Variants in MARCHF6 observed in about 807,000 individuals in gnomAD.
MARCHF6 encodes the protein membrane associated ring-CH-type finger 6, also known as E3 ubiquitin-protein ligase MARCHF6.
In MARCHF6, 31 loss-of-function variants were observed where a neutral mutation model predicts 133.7. The observed-to-expected ratio is 0.23, with a 90% CI of 0.17 to 0.31. MARCHF6 has a LOEUF of 0.31. Ranked by LOEUF, MARCHF6 falls within the 10% of genes least tolerant of loss-of-function variation. The pLI is 1.00. For synonymous variants in MARCHF6, 395 were observed against 402.5 expected (o/e 0.98, Z 0.22); for missense variants, 723 against 1,121.6 (o/e 0.64, Z 5.08).
intron 22 of MARCHF6, among the ~76,000 whole-genome samples, chr5:10,419,146 A>G (rs1321950016): frequency 6.6e-6 from 1 of 152,162 alleles, no homozygotes; most frequent in Non-Finnish European, 1.5e-5. Context: ...TTGTGTTTTG[A>G]TTTATGACTT....
At chr5:10,381,210 CTGAATG>C in intron 3 of MARCHF6, among the ~76,000 whole-genome samples, 1 of 152,172 alleles carries the variant, frequency 6.6e-6, no homozygotes, top group South Asian at 2.1e-4. Flanking sequence ...TTTTCTTTTT[CTGAATG>C]TGTTGAGCCA....
In MARCHF6 at chr5:10,391,676, G is replaced by A. The variant is rs1447041528; in HGVS notation, c.711G>A (p.Glu237=). The A allele has an allele frequency of 6.2e-7, 1 of 1,606,898 alleles. No individual in the cohort carries two copies. The highest frequency in any genetic ancestry group is 1.7e-5 in the Admixed American group (1 of 58,590). The change falls in exon 7 of 26, where the codon GAG becomes GAA. Residue 237 remains glutamate (E), a synonymous_variant. Transcript: ENST00000274140. ...CAGAAGAGGAGGAGGAGGACAATGA[G>A]GAGGAAGATGACGCTGGTGTGGAGG... The part of the protein sequence containing the change: ...DQAEEEEEDN[E]EEDDAGVEDA...
intron 1 of MARCHF6, among the ~76,000 whole-genome samples, chr5:10,356,383 TTTTA>T (rs1253799808): frequency 7.2e-6 from 1 of 138,850 alleles, no homozygotes; most frequent in Non-Finnish European, 1.6e-5. Flanking sequence ...TTTTATTTTA[TTTTA>T]TTTTATTTTA....
Position 10,353,861 on chromosome 5 carries a change from A to C in MARCHF6, c.-38A>C. 1 of 1,552,736 alleles carries C rather than the reference A, an allele frequency of 6.4e-7. No homozygotes were observed. Among genetic ancestry groups the C allele is most frequent in the Non-Finnish European group, 8.7e-7 (1 of 1,153,130 alleles). ...CCCTCTTTCCCCGCCCGGCCGCGGGAGCCTCGTGGCTGCGTCACCGCCGCC... is the reference window on the plus strand; with the variant it reads ...CCCTCTTTCCCCGCCCGGCCGCGGGCGCCTCGTGGCTGCGTCACCGCCGCC... On this transcript the variant is annotated 5_prime_UTR_variant, in exon 1 of 26. Transcript: ENST00000274140.
At chr5:10,415,859 C>T (rs185466637) in intron 21 of MARCHF6, among the ~76,000 whole-genome samples, 190 bp downstream of exon 21, 295 of 152,064 alleles carry the variant, frequency 1.9e-3, no homozygotes, top group Middle Eastern at 3.4e-3. Context: ...CAGAGTCCTA[C>T]GTTCAGATAT....
At chr5:10,357,051 T>G (rs1348365046) in intron 1 of MARCHF6, among the ~76,000 whole-genome samples, 1 of 152,160 alleles carries the variant, frequency 6.6e-6, no homozygotes. Flanking sequence ...TGAGTGCAGA[T>G]GTGTTATGTC....
chr5:10,399,591 G>A (rs1343373487), intron 10 of MARCHF6, among the ~76,000 whole-genome samples: 2 of 152,058 alleles, frequency 1.3e-5, no homozygotes, highest in Non-Finnish European at 2.9e-5. Context: ...TGCTATAAAG[G>A]TTTTAAAAAT....
chr5:10,410,154 T>C lies in MARCHF6; in HGVS notation c.1569T>C (p.Ser523=). Residue 523 remains serine, a synonymous_variant, in exon 18 of 26, where the codon AGT becomes AGC. Transcript: ENST00000274140. ...CCTCTTTCAGTGATGCTCCAGTGAG[T>C]GAACTGTCCCTCGAGCTGCTTCTGC... is the stretch of plus-strand genomic sequence containing the variant. ...NVMLYSDAPV[S]ELSLELLLLQ... is the part of the protein sequence containing the mutation. 1.2e-6 allele frequency: 2 copies of C among 1,614,032 alleles called. No homozygotes were observed. Among genetic ancestry groups the C allele is most frequent in the Non-Finnish European group, 1.7e-6 (2 of 1,180,006 alleles).
chr5:10,370,428 T>G (rs1736400272), intron 1 of MARCHF6, among the ~76,000 whole-genome samples: 1 of 152,158 alleles, frequency 6.6e-6, no homozygotes. Context: ...TTAAAAAATT[T>G]GATTGTGGTA....
intron 1 of MARCHF6, among the ~76,000 whole-genome samples, chr5:10,374,814 AG>A (rs1190409261): frequency 1.3e-5 from 2 of 152,222 alleles, no homozygotes; most frequent in Non-Finnish European, 2.9e-5. Flanking sequence ...GGTAGGGGGA[AG>A]GTCTGTGTTC....
intron 7 of MARCHF6, among the ~76,000 whole-genome samples, chr5:10,391,998 G>A (rs1301569468): frequency 2.1e-5 from 3 of 143,092 alleles, no homozygotes; most frequent in Non-Finnish European, 3.0e-5. Flanking sequence ...TCGCTCTGTC[G>A]CCCAGGCTGG....
At chr5:10,358,715 A>G (rs1735633098) in intron 1 of MARCHF6, among the ~76,000 whole-genome samples, 1 of 152,198 alleles carries the variant, frequency 6.6e-6, no homozygotes. Context: ...AATTTGAAAA[A>G]ACTTGCAGAT....
chr5:10,422,933 G>A (rs1739900004), intron 22 of MARCHF6, among the ~76,000 whole-genome samples: 1 of 151,992 alleles, frequency 6.6e-6, no homozygotes, highest in South Asian at 2.1e-4. Context: ...GATCACAGAG[G>A]ACTCCCGTCT....
At chr5:10,412,089 G>A (rs1739264014) in intron 19 of MARCHF6, among the ~76,000 whole-genome samples, 1 of 152,194 alleles carries the variant, frequency 6.6e-6, no homozygotes, top group African/African-American at 2.4e-5. Flanking sequence ...AATGACATGG[G>A]CTTGTGAGTC....
intron 1 of MARCHF6, among the ~76,000 whole-genome samples, chr5:10,370,069 A>C (rs1328654813): frequency 2.2e-5 from 3 of 134,262 alleles, no homozygotes; most frequent in Non-Finnish European, 4.8e-5. Context: ...CCCTTTCAAT[A>C]GGTATGGGAG....
chr5:10,354,256 G>A (rs1483062566), intron 1 of MARCHF6, among the ~76,000 whole-genome samples: 1 of 152,150 alleles, frequency 6.6e-6, no homozygotes, highest in Non-Finnish European at 1.5e-5. Context: ...TGCCGTCCGG[G>A]GGCGTTTTCC....
At position 10,353,813 on chromosome 5, in the gene MARCHF6, C is replaced by T. The variant is rs1368496417; in HGVS notation, c.-86C>T. 5 of 1,298,924 alleles carry T rather than the reference C, an allele frequency of 3.8e-6. No homozygotes were observed. The highest frequency in any genetic ancestry group is 4.1e-5 in the Admixed American group (2 of 48,838). 80.5% of individuals were successfully genotyped at this position (1,298,924 alleles called of 1,614,324 possible). On this transcript the variant is annotated 5_prime_UTR_variant, in exon 1 of 26. Transcript: ENST00000274140. The stretch of plus-strand genomic sequence containing the variant: ...CCTGAGCGTACGCACCTGCCCGGGC[C>T]CGGCTCCCTCCTCCTCTCCCCTCCC...
chr5:10,354,025 C>T (rs1735275293), intron 1 of MARCHF6, 108 bp downstream of exon 1: 3 of 1,157,288 alleles, frequency 2.6e-6, no homozygotes, highest in Admixed American at 3.7e-5. Flanking sequence ...GCGGGGCGGA[C>T]GCCTGGGCCG....
At chr5:10,390,592 C>A in intron 6 of MARCHF6, 92 bp downstream of exon 6, 1 of 1,189,408 alleles carries the variant, frequency 8.4e-7, no homozygotes, top group South Asian at 1.5e-5. Flanking sequence ...TTCCATGTCC[C>A]TCATAAACAT....
Sources: allele counts gnomAD v4.1 joint callset (sites outside exome capture counted in the v4.1 genomes callset), GRCh38; gene constraint gnomAD v4.1.1; transcripts MANE v1.5; gene names NCBI Gene and HGNC (gene_info 2026-07-23, HGNC 2026-07-21).